Variants in CRYBG1 observed in about 807,000 individuals in gnomAD.
The protein encoded by CRYBG1 is crystallin beta-gamma domain containing 1.
CRYBG1 carries 139 observed loss-of-function variants against 189.2 expected under a neutral mutation model. The ratio of observed to expected loss-of-function variants is 0.73; its 90% CI spans 0.64 to 0.85. The LOEUF (loss-of-function observed/expected upper bound fraction) is 0.85, where lower values mean the gene tolerates loss of function less well. Ranked by LOEUF, CRYBG1 falls within the 40% of genes least tolerant of loss-of-function variation. The pLI, the probability that CRYBG1 is intolerant of heterozygous loss-of-function variation, is 0.00. For synonymous variants in CRYBG1, 1,023 were observed against 1,017.1 expected, an observed-to-expected ratio of 1.01 and a Z score of -0.11; for missense variants, 2,611 against 2,675.8, an observed-to-expected ratio of 0.98 and a Z score of 0.53.
At chr6:106,495,317 G>A (rs1772820853) in intron 2 of CRYBG1, among the ~76,000 whole-genome samples, 1 of 152,100 alleles carries the variant, frequency 6.6e-6, no homozygotes, top group Admixed American at 6.5e-5. Context: ...AATTTGAGAA[G>A]TAAGAAGATT....
At chr6:106,513,302 A>G (rs887230140) in intron 3 of CRYBG1, among the ~76,000 whole-genome samples, 5 of 152,206 alleles carry the variant, frequency 3.3e-5, no homozygotes, top group African/African-American at 1.2e-4. Flanking sequence ...TTGAAGCTCA[A>G]CGTTTATGTA....
At chr6:106,524,566 G>GA (rs1172247797) in intron 4 of CRYBG1, among the ~76,000 whole-genome samples, 2 of 149,796 alleles carry the variant, frequency 1.3e-5, no homozygotes, top group Non-Finnish European at 3.0e-5. Flanking sequence ...CATCTCAAAA[G>GA]AAAAAAAAGG....
intron 4 of CRYBG1, among the ~76,000 whole-genome samples, chr6:106,523,787 T>C (rs1161533012): frequency 1.3e-5 from 2 of 151,378 alleles, no homozygotes; most frequent in Non-Finnish European, 1.5e-5. Context: ...TGGAGTGCAG[T>C]GGCATGATCT....
At chr6:106,490,165 T>C (rs935190944) in intron 2 of CRYBG1, among the ~76,000 whole-genome samples, 3 of 152,224 alleles carry the variant, frequency 2.0e-5, no homozygotes, top group African/African-American at 7.2e-5. Flanking sequence ...GCTGGAGTGA[T>C]GTAATGCTGT....
At position 106,422,344 on chromosome 6, in the gene CRYBG1, A is replaced by ATTTATTTATTTTTTTTTTTTTTT. The variant is rs57640822; in HGVS notation, c.174-29347_174-29346insATTTATTTTTTTTTTTTTTTTTT. Among the ~76,000 whole-genome samples the ATTTATTTATTTTTTTTTTTTTTT allele has an allele frequency of 2.9e-5, 4 of 139,928 alleles. No individual in the cohort carries two copies. In the East Asian group the frequency reaches 6.6e-4, roughly 23 times the overall value. The allele number at this position is 139,928 out of a possible 152,430, so 91.8% of individuals were successfully genotyped here. On this transcript the variant is annotated intron_variant, in intron 1 of 21. Coordinates refer to ENST00000633556, the MANE Select transcript of CRYBG1 (RefSeq NM_001371242.2). ...TTGTTATTTATTTATTTATTTATTT[A>ATTTATTTATTTTTTTTTTTTTTT]TTTTTGAGACATGGTCTCACTTGGT... is the stretch of plus-strand genomic sequence containing the variant.
intron 13 of CRYBG1, among the ~76,000 whole-genome samples, chr6:106,549,969 G>A (rs4945756): frequency 0.73 from 111,363 of 152,102 alleles, 42,897 homozygotes; most frequent in South Asian, 0.92. Flanking sequence ...TGGCAGGTTG[G>A]GTCACAAAGC....
intron 2 of CRYBG1, among the ~76,000 whole-genome samples, chr6:106,478,834 T>G (rs1213604080): frequency 6.6e-6 from 1 of 152,208 alleles, no homozygotes; most frequent in African/African-American, 2.4e-5. Flanking sequence ...CAAACCCTGT[T>G]GTGAACTGTG....
At chr6:106,522,644 G>C (rs1773636215) in intron 4 of CRYBG1, among the ~76,000 whole-genome samples, 1 of 152,198 alleles carries the variant, frequency 6.6e-6, no homozygotes, top group Non-Finnish European at 1.5e-5. Context: ...TTGTATTCTG[G>C]TGGTCCATCC....
intron 1 of CRYBG1, among the ~76,000 whole-genome samples, chr6:106,373,094 G>A (rs77830198): frequency 0.056 from 8,476 of 152,220 alleles, 391 homozygotes; most frequent in East Asian, 0.16. Flanking sequence ...TCTCAGAGCT[G>A]TCTCCCTGAG....
At chr6:106,402,888 C>T (rs995477385) in intron 1 of CRYBG1, among the ~76,000 whole-genome samples, 1 of 152,126 alleles carries the variant, frequency 6.6e-6, no homozygotes, top group Non-Finnish European at 1.5e-5. Flanking sequence ...TGAGCACAAC[C>T]TCCGATGGCA....
chr6:106,391,529 G>A (rs1233442267), intron 1 of CRYBG1, among the ~76,000 whole-genome samples: 1 of 150,752 alleles, frequency 6.6e-6, no homozygotes, highest in East Asian at 1.9e-4. Flanking sequence ...TGTTGTACCT[G>A]TTCAAATATT....
At chr6:106,519,008 C>CACACACACACA (rs71549475) in intron 3 of CRYBG1, 123 bp from the exon 4 acceptor site, 1 of 976,134 alleles carries the variant, frequency 1.0e-6, no homozygotes, top group South Asian at 1.7e-5. Flanking sequence ...CACACACACA[C>CACACACACACA]CACACTCCAA....
At chr6:106,494,613 A>G (rs189020183) in intron 2 of CRYBG1, among the ~76,000 whole-genome samples, 2 of 152,346 alleles carry the variant, frequency 1.3e-5, no homozygotes, top group African/African-American at 4.8e-5. Flanking sequence ...GTAACTTGCT[A>G]TCAAGTACTG....
chr6:106,392,277 A>G (rs1770522355), intron 1 of CRYBG1, among the ~76,000 whole-genome samples: 2 of 152,166 alleles, frequency 1.3e-5, no homozygotes, highest in African/African-American at 4.8e-5. Context: ...TGCCACATAC[A>G]CAATAGTGAG....
intron 2 of CRYBG1, among the ~76,000 whole-genome samples, chr6:106,472,284 T>G (rs1772247503): frequency 6.6e-6 from 1 of 152,230 alleles, no homozygotes; most frequent in African/African-American, 2.4e-5. Context: ...CATGGAAATA[T>G]AAATTAAATA....
intron 2 of CRYBG1, among the ~76,000 whole-genome samples, chr6:106,466,020 T>G (rs1339579230): frequency 2.6e-5 from 4 of 152,214 alleles, no homozygotes; most frequent in African/African-American, 9.6e-5. Context: ...CTGAATAGAA[T>G]GATATTCAAG....
rs760490539 is a variant in CRYBG1, at chr6:106,520,583, AAAG to A, written c.3379_3381del (p.Lys1127del). On this transcript the variant is annotated inframe_deletion, in exon 4 of 22. Coordinates refer to ENST00000633556, the MANE Select transcript of CRYBG1 (RefSeq NM_001371242.2). ...GCGCAGTTTGTATGCCCATGAAAAG[AAAG>A]AAGGCCAGGATGCCAAACTCTCCTG... is the stretch of plus-strand genomic sequence containing the variant. 1.9e-6 allele frequency: 3 copies of A among 1,613,926 alleles called. No individual in the cohort carries two copies. Among genetic ancestry groups the A allele is most frequent in the Non-Finnish European group, 2.5e-6 (3 of 1,179,950 alleles).
rs763362118 is a variant in CRYBG1 at position 106,512,309 on chromosome 6, C to G, written c.1192C>G (p.Pro398Ala). The G allele has an allele frequency of 3.7e-6, 6 of 1,600,244 alleles. No homozygotes were observed. Among genetic ancestry groups the G allele is most frequent in the Middle Eastern group, 1.7e-4 (1 of 6,040 alleles). ...AGTGGACGAGCCGGTCGTGATTACT[C>G]CCAGAGCGGAAGATTGCGGTGACTG... ...AQVDEPVVIT[P>A]RAEDCGDWDD... The change falls in exon 3 of 22, where the codon CCC (proline) becomes GCC (alanine). Residue 398 changes from proline to alanine, a missense_variant. Physicochemically the swap from Pro to Ala is conservative, Grantham distance 27. Around this residue, in one of 3 missense-constraint regions of CRYBG1, gnomAD observed 985 missense variants for 924.4 expected, o/e 1.07. Transcript: ENST00000633556.
At chr6:106,517,433 CACACACAT>C (rs1562099204) in intron 3 of CRYBG1, among the ~76,000 whole-genome samples, 18 of 84,432 alleles carry the variant, frequency 2.1e-4, no homozygotes, top group African/African-American at 9.8e-4. Context: ...TATATATACA[CACACACAT>C]ATATATACAC....
Sources: allele counts gnomAD v4.1 joint callset (sites outside exome capture counted in the v4.1 genomes callset), GRCh38; gene constraint gnomAD v4.1.1; regional missense constraint gnomAD v4.1.1; transcripts MANE v1.5; gene names NCBI Gene and HGNC (gene_info 2026-07-23, HGNC 2026-07-21).